ZC3H6: variants seen among roughly 807,000 people sequenced by gnomAD.
ZC3H6 encodes the protein zinc finger CCCH-type containing 6.
In ZC3H6, 40 loss-of-function variants were observed where a neutral mutation model predicts 107.7. That is an observed-to-expected ratio of 0.37 (90% confidence interval 0.29 to 0.48). The LOEUF (loss-of-function observed/expected upper bound fraction) is 0.48. Ranked by LOEUF, ZC3H6 falls within the 20% of genes least tolerant of loss-of-function variation. The pLI is 0.98. For missense variants in ZC3H6, 1,267 were observed against 1,410.4 expected, an observed-to-expected ratio of 0.90 and a Z score of 1.63; for synonymous variants, 493 against 487.9, an observed-to-expected ratio of 1.01 and a Z score of -0.14.
chr2:112,338,302 G>A lies in ZC3H6; in HGVS notation c.*5814G>A, dbSNP rs1438468588. The A allele has an allele frequency of 1.3e-5, 2 of 152,172 alleles. No homozygotes were observed. The highest frequency in any genetic ancestry group is 2.9e-5 in the Non-Finnish European group (2 of 68,024). The allele number at this position is 152,172 out of a possible 1,614,324, so 9.4% of individuals were successfully genotyped here. The stretch of plus-strand genomic sequence containing the variant: ...GTCCTAACCTAGTGAATTATCAATA[G>A]CATTTAAAATTCCTTCTATCCTGAT... On this transcript the variant is annotated 3_prime_UTR_variant, in exon 12 of 12. Transcript: ENST00000409871.
At chr2:112,291,220 A>T (rs896592855) in intron 1 of ZC3H6, among the ~76,000 whole-genome samples, 1 of 152,130 alleles carries the variant, frequency 6.6e-6, no homozygotes, top group Non-Finnish European at 1.5e-5. Flanking sequence ...TACATATTTT[A>T]TAGTTTGTTC....
intron 4 of ZC3H6, among the ~76,000 whole-genome samples, chr2:112,311,470 T>C (rs888952533): frequency 6.6e-6 from 1 of 152,192 alleles, no homozygotes; most frequent in African/African-American, 2.4e-5. Context: ...CTACAATGTC[T>C]TCCTTAAATA....
intron 1 of ZC3H6, among the ~76,000 whole-genome samples, chr2:112,283,010 T>A (rs1037229356): frequency 6.6e-6 from 1 of 152,364 alleles, no homozygotes; most frequent in South Asian, 2.1e-4. Flanking sequence ...CTGGTAGATA[T>A]ATTTTTTCTC....
chr2:112,338,369 C>T lies in ZC3H6; in HGVS notation c.*5881C>T, dbSNP rs1442402549. Reference sequence around the variant, plus strand: ...TTCCCTTTTAAGTTATGATTTGACTCTAATTTTGGGTCTTGTATCTGGTCT... The same window carrying T: ...TTCCCTTTTAAGTTATGATTTGACTTTAATTTTGGGTCTTGTATCTGGTCT... On this transcript the variant is annotated 3_prime_UTR_variant, in exon 12 of 12. Transcript: ENST00000409871. The T allele has an allele frequency of 1.3e-5, 2 of 152,166 alleles. No individual in the cohort carries two copies. Among genetic ancestry groups the T allele is most frequent in the African/African-American group, 4.8e-5 (2 of 41,434 alleles). The allele number at this position is 152,166 out of a possible 1,614,324, so 9.4% of individuals were successfully genotyped here. A position where few individuals can be genotyped will look rare whatever the true frequency, so the allele number is the denominator to read the frequency against.
chr2:112,327,794 C>T (rs759044159), intron 11 of ZC3H6, among the ~76,000 whole-genome samples: 2 of 152,142 alleles, frequency 1.3e-5, no homozygotes, highest in Non-Finnish European at 1.5e-5. Flanking sequence ...ATGTTTTTAG[C>T]ACCTTTGTCA....
chr2:112,299,438 A>G (rs1676318323), intron 1 of ZC3H6, among the ~76,000 whole-genome samples: 1 of 152,206 alleles, frequency 6.6e-6, no homozygotes, highest in South Asian at 2.1e-4. Flanking sequence ...AGTTAAAAAT[A>G]CCTTCCTGTA....
At chr2:112,327,220 G>A (rs888921102) in intron 11 of ZC3H6, among the ~76,000 whole-genome samples, 22 of 152,144 alleles carry the variant, frequency 1.4e-4, no homozygotes, top group African/African-American at 5.3e-4. Context: ...CATTTTAACT[G>A]GGGTGAGATG....
intron 1 of ZC3H6, among the ~76,000 whole-genome samples, chr2:112,276,734 G>A (rs1157422086): frequency 6.6e-6 from 1 of 152,074 alleles, no homozygotes; most frequent in African/African-American, 2.4e-5. Context: ...GCCTTAAGAG[G>A]CACATTCTTG....
rs573217095 is a variant in ZC3H6 at position 112,288,435 on chromosome 2, C to T, written c.33-11414C>T. Among the ~76,000 whole-genome samples, 4 of 152,298 alleles carry T rather than the reference C, an allele frequency of 2.6e-5. No homozygotes were observed. The South Asian group carries it at 8.3e-4, about 32-fold the overall frequency. On this transcript the variant is annotated intron_variant, in intron 1 of 11. Coordinates refer to ENST00000409871, the MANE Select transcript of ZC3H6 (RefSeq NM_198581.3). The stretch of plus-strand genomic sequence containing the variant: ...GTTGAGGGCTATCTACTAGGTGGTA[C>T]AGTGCTAGGTAATTAACTTTATCTC...
Position 112,324,674 on chromosome 2 carries a change from T to G in ZC3H6, c.1852+11T>G, listed in dbSNP as rs201167809. 2 of 560,762 alleles carry G rather than the reference T, an allele frequency of 3.6e-6. No homozygotes were observed. Among genetic ancestry groups the G allele is most frequent in the Admixed American group, 9.0e-5 (1 of 11,112 alleles). The allele number at this position is 560,762 out of a possible 1,614,324, so 34.7% of individuals were successfully genotyped here. ...CCAATAACTCTGGTGGTAAGTTTACTTTTTTGAAATAATTTATTCCTAATT... is the reference window on the plus strand; with the variant it reads ...CCAATAACTCTGGTGGTAAGTTTACGTTTTTGAAATAATTTATTCCTAATT... On this transcript the variant is annotated intron_variant, in intron 10 of 11. Coordinates refer to ENST00000409871, the MANE Select transcript of ZC3H6 (RefSeq NM_198581.3).
rs1323396339 is a variant in ZC3H6 at position 112,331,910 on chromosome 2, T to C, written c.2992T>C (p.Leu998=). 1.2e-6 allele frequency: 2 copies of C among 1,613,944 alleles called. No homozygotes were observed. The highest frequency in any genetic ancestry group is 2.2e-5 in the South Asian group (2 of 91,070). The change falls in exon 12 of 12, where the codon TTA becomes CTA. Residue 998 remains leucine, a synonymous_variant. Coordinates refer to ENST00000409871, the MANE Select transcript of ZC3H6 (RefSeq NM_198581.3). ...ACATGCATCAAAGGGTGCCCCTCAC[T>C]TACCCAGATCAAACCCTGGTTCATC... ...DSHASKGAPH[L]PRSNPGSSQP...
Position 112,331,178 on chromosome 2 carries a change from C to A in ZC3H6, c.2260C>A (p.Gln754Lys). 6.2e-7 allele frequency: 1 copy of A among 1,613,586 alleles called. No homozygotes were observed. Among genetic ancestry groups the A allele is most frequent in the South Asian group, 1.1e-5 (1 of 91,000 alleles). The stretch of plus-strand genomic sequence containing the variant: ...TGCTAAAGAGAAAAGTAAAGGAAAC[C>A]AAGTGGTTGACCCTAGGCTTAGGAC... ...RLAKEKSKGN[Q>K]VVDPRLRTIP... Residue 754 changes from glutamine (Q) to lysine (K), a missense_variant, in exon 12 of 12, where the codon CAA becomes AAA. Around this residue, in one of 3 missense-constraint regions of ZC3H6, gnomAD observed 925 missense variants for 1,025.7 expected, o/e 0.90. Transcript: ENST00000409871.
chr2:112,290,652 CTT>C (rs67536026), intron 1 of ZC3H6, among the ~76,000 whole-genome samples: 57 of 143,870 alleles, frequency 4.0e-4, no homozygotes, highest in East Asian at 2.6e-3. Context: ...AATGAATGGC[CTT>C]TTTTTTTTTT....
chr2:112,306,836 TAGACA>T (rs1676485737), intron 3 of ZC3H6, among the ~76,000 whole-genome samples: 1 of 152,194 alleles, frequency 6.6e-6, no homozygotes, highest in African/African-American at 2.4e-5. Flanking sequence ...TTTGTTTCCA[TAGACA>T]ACAGAGACAG....
chr2:112,325,278 G>C (rs1676887148), intron 11 of ZC3H6, 81 bp downstream of exon 11: 5 of 1,351,480 alleles, frequency 3.7e-6, no homozygotes, highest in Non-Finnish European at 5.1e-6. Context: ...TGAATCACCT[G>C]AGGTCAGGAG....
At chr2:112,288,868 G>A (rs1430790451) in intron 1 of ZC3H6, among the ~76,000 whole-genome samples, 1 of 152,076 alleles carries the variant, frequency 6.6e-6, no homozygotes, top group Admixed American at 6.5e-5. Flanking sequence ...TGCTGTTAGG[G>A]CAATCACCTA....
intron 1 of ZC3H6, among the ~76,000 whole-genome samples, chr2:112,287,072 A>T (rs1034789075): frequency 1.3e-5 from 2 of 152,138 alleles, no homozygotes; most frequent in African/African-American, 4.8e-5. Context: ...TCATCCAGTA[A>T]GCATTTCTAG....
At position 112,275,967 on chromosome 2, in the gene ZC3H6, T is replaced by C; in HGVS notation, c.-28T>C. 1 of 1,525,336 alleles carries C rather than the reference T, an allele frequency of 6.6e-7. No individual in the cohort carries two copies. Among genetic ancestry groups the C allele is most frequent in the South Asian group, 1.2e-5 (1 of 81,304 alleles). 94.5% of individuals were successfully genotyped at this position (1,525,336 alleles called of 1,614,324 possible). A position where few individuals can be genotyped will look rare whatever the true frequency, so the allele number is the denominator to read the frequency against. On this transcript the variant is annotated 5_prime_UTR_variant, in exon 1 of 12. Coordinates refer to ENST00000409871, the MANE Select transcript of ZC3H6 (RefSeq NM_198581.3). The stretch of plus-strand genomic sequence containing the variant: ...CGCCGCCGGCCTCGCAGACCTGCCC[T>C]CCAGCCCCGCCCCGTTCTTGACCAA...
chr2:112,310,689 G>A (rs1676576310), intron 4 of ZC3H6, among the ~76,000 whole-genome samples: 1 of 152,178 alleles, frequency 6.6e-6, no homozygotes, highest in Admixed American at 6.5e-5. Context: ...GCCAGCTCTT[G>A]ACAATAAGTG....
Sources: allele counts gnomAD v4.1 joint callset (sites outside exome capture counted in the v4.1 genomes callset), GRCh38; gene constraint gnomAD v4.1.1; regional missense constraint gnomAD v4.1.1; transcripts MANE v1.5; gene names NCBI Gene and HGNC (gene_info 2026-07-23, HGNC 2026-07-21).